GABRG3: variants seen among roughly 807,000 people sequenced by gnomAD.
GABRG3 encodes gamma-aminobutyric acid receptor subunit gamma-3.
In GABRG3, 25 loss-of-function variants were observed where a neutral mutation model predicts 48.8. The ratio of observed to expected loss-of-function variants is 0.51; its 90% CI spans 0.37 to 0.72. The LOEUF (loss-of-function observed/expected upper bound fraction) is 0.72, where lower values mean the gene tolerates loss of function less well. Ranked by LOEUF, GABRG3 falls within the 30% of genes least tolerant of loss-of-function variation. The probability of loss-of-function intolerance (pLI) is 0.00; values close to 1 mark genes in which losing one functional copy is unlikely to be tolerated. For synonymous variants in GABRG3, 227 were observed against 217.6 expected, an observed-to-expected ratio of 1.04 and a Z score of -0.38; for missense variants, 394 against 577.9, an observed-to-expected ratio of 0.68 and a Z score of 3.26.
chr15:27,040,323 G>A lies in GABRG3; in HGVS notation c.270+13502G>A, dbSNP rs185436942. ...GAGCAGGCAAATCAAATGGCTGGTC[G>A]TTGCAAGCAGGCAGGCAGCTCCTGT... is the stretch of plus-strand genomic sequence containing the variant. On this transcript the variant is annotated intron_variant, in intron 3 of 9. Coordinates refer to ENST00000615808, the MANE Select transcript of GABRG3 (RefSeq NM_033223.5). Among the ~76,000 whole-genome samples, 14 of 152,326 alleles carry A rather than the reference G, an allele frequency of 9.2e-5. No homozygotes were observed. In the East Asian group the frequency reaches 2.3e-3, roughly 25 times the overall value.
intron 3 of GABRG3, among the ~76,000 whole-genome samples, chr15:27,170,509 C>T (rs1313634606): frequency 6.6e-6 from 1 of 152,090 alleles, no homozygotes. Flanking sequence ...CTAAAATGCT[C>T]AGCTGATCCA....
At chr15:27,128,001 C>A (rs540978628) in intron 3 of GABRG3, among the ~76,000 whole-genome samples, 1 of 152,128 alleles carries the variant, frequency 6.6e-6, no homozygotes, top group Non-Finnish European at 1.5e-5. Context: ...GAAATGTGAC[C>A]TGGGTATGGA....
At chr15:27,410,348 G>GT (rs1038274616) in intron 5 of GABRG3, among the ~76,000 whole-genome samples, 2 of 152,048 alleles carry the variant, frequency 1.3e-5, no homozygotes, top group African/African-American at 4.8e-5. Flanking sequence ...AGATACTATA[G>GT]TTTTTTTGTA....
chr15:27,201,048 A>C (rs1337515100), intron 3 of GABRG3, among the ~76,000 whole-genome samples: 1 of 152,148 alleles, frequency 6.6e-6, no homozygotes, highest in Non-Finnish European at 1.5e-5. Context: ...GAACAAATGT[A>C]GAGTTGGGGA....
intron 7 of GABRG3, among the ~76,000 whole-genome samples, chr15:27,525,154 A>G (rs1484553395): frequency 6.6e-6 from 1 of 151,270 alleles, no homozygotes; most frequent in East Asian, 2.0e-4. Context: ...AGCAGTTTAA[A>G]TGTGTCAAGG....
intron 3 of GABRG3, among the ~76,000 whole-genome samples, chr15:27,031,887 T>C (rs1456516886): frequency 1.3e-5 from 2 of 152,240 alleles, no homozygotes; most frequent in African/African-American, 4.8e-5. Flanking sequence ...GTGGTGCTCC[T>C]GACCTTGTTT....
intron 3 of GABRG3, among the ~76,000 whole-genome samples, chr15:27,027,958 C>T (rs1046467473): frequency 6.6e-6 from 1 of 152,184 alleles, no homozygotes; most frequent in Non-Finnish European, 1.5e-5. Context: ...GTGTTTATGT[C>T]TAACACTCAA....
chr15:27,251,977 G>A (rs1365470954), intron 3 of GABRG3, among the ~76,000 whole-genome samples: 2 of 152,210 alleles, frequency 1.3e-5, no homozygotes, highest in African/African-American at 4.8e-5. Context: ...TTACCTGCTG[G>A]GCCCTGGGGG....
chr15:27,054,217 C>T (rs1352489719), intron 3 of GABRG3, among the ~76,000 whole-genome samples: 1 of 148,548 alleles, frequency 6.7e-6, no homozygotes. Flanking sequence ...CCAGCCTGGG[C>T]GAAAGAGCCA....
chr15:27,307,942 C>T (rs1397181221), intron 3 of GABRG3, among the ~76,000 whole-genome samples: 2 of 129,282 alleles, frequency 1.5e-5, no homozygotes, highest in African/African-American at 5.6e-5. Flanking sequence ...TGTATATAAA[C>T]ATATATGTAA....
chr15:26,980,958 A>C (rs1211548718), intron 2 of GABRG3, among the ~76,000 whole-genome samples: 1 of 152,130 alleles, frequency 6.6e-6, no homozygotes, highest in Non-Finnish European at 1.5e-5. Context: ...GGATCAGCAA[A>C]TATAACTAAT....
At chr15:27,205,878 T>G (rs1040890484) in intron 3 of GABRG3, among the ~76,000 whole-genome samples, 85 of 152,212 alleles carry the variant, frequency 5.6e-4, no homozygotes, top group African/African-American at 1.9e-3. Flanking sequence ...TAACAGACTC[T>G]TAGGGTTTTT....
At chr15:27,195,125 TTC>T (rs1351917438) in intron 3 of GABRG3, among the ~76,000 whole-genome samples, 7 of 151,042 alleles carry the variant, frequency 4.6e-5, no homozygotes, top group Non-Finnish European at 8.9e-5. Flanking sequence ...AGGAATTTCT[TTC>T]AGGAATTTCT....
rs142551753 is a variant in GABRG3 at position 27,044,664 on chromosome 15, C to T, written c.270+17843C>T. On this transcript the variant is annotated intron_variant, in intron 3 of 9. Transcript: ENST00000615808. ...AGCAAAGGGTGAATCATGAAGGGGG[C>T]AGGCCCTAGAATCAGAATAGGTTCA... 2.3e-4 allele frequency among the ~76,000 whole-genome samples: 35 copies of T among 152,266 alleles called. 1 individual carries two copies. In the East Asian group the frequency reaches 6.5e-3, roughly 28 times the overall value.
chr15:27,311,033 G>A (rs35665783), intron 3 of GABRG3, among the ~76,000 whole-genome samples: 4,032 of 152,240 alleles, frequency 0.026, 141 homozygotes, highest in East Asian at 0.089. Flanking sequence ...AAGCAGGGCT[G>A]TTTTCCTGAT....
In GABRG3 at chr15:27,448,922, C is replaced by A. The variant is rs143434104; in HGVS notation, c.575-31728C>A. On this transcript the variant is annotated intron_variant, in intron 5 of 9. Coordinates refer to ENST00000615808, the MANE Select transcript of GABRG3 (RefSeq NM_033223.5). ...ATTTCCCAAATTGTCTTTCACAGTT[C>A]TTTCAGGCAGACTCAGGAAACAGCT... Among the ~76,000 whole-genome samples, 510 of 152,206 alleles carry A rather than the reference C, an allele frequency of 3.4e-3. 7 individuals are homozygous for A. The highest frequency in any genetic ancestry group is 0.011 in the African/African-American group (476 of 41,536).
intron 5 of GABRG3, among the ~76,000 whole-genome samples, chr15:27,346,073 G>A (rs1440022772): frequency 0.25 from 409 of 1,638 alleles, 5 homozygotes; most frequent in African/African-American, 0.37. Context: ...AAAAGAGAGA[G>A]AAAGAAGAGA....
At chr15:26,987,189 C>T (rs1168428438) in intron 2 of GABRG3, among the ~76,000 whole-genome samples, 2 of 148,746 alleles carry the variant, frequency 1.3e-5, no homozygotes, top group South Asian at 4.3e-4. Context: ...GCCCGGGAGG[C>T]GGAGCTTGCA....
chr15:27,330,058 G>A (rs1484966434), intron 5 of GABRG3, among the ~76,000 whole-genome samples: 2 of 152,180 alleles, frequency 1.3e-5, no homozygotes, highest in East Asian at 1.9e-4. Flanking sequence ...TGGCTAACAC[G>A]GTGAAACCCT....
Sources: gnomAD v4.1 joint callset for allele counts (sites outside exome capture counted in the v4.1 genomes callset) on GRCh38, gnomAD v4.1.1 for gene constraint, MANE v1.5 for transcripts, NCBI Gene and HGNC (gene_info 2026-07-23, HGNC 2026-07-21) for gene names.